KHDRBS2: variants seen among roughly 807,000 people sequenced by gnomAD.
KHDRBS2 encodes the protein KH RNA binding domain containing, signal transduction associated 2.
Under a neutral mutation model 44.3 loss-of-function variants are expected in KHDRBS2, and 26 were observed. The observed-to-expected ratio is 0.59, with a 90% CI of 0.43 to 0.81. The LOEUF (loss-of-function observed/expected upper bound fraction) is 0.81, where lower values mean the gene tolerates loss of function less well. KHDRBS2 is among the 40% of genes least tolerant of loss of function. The pLI, the probability that KHDRBS2 is intolerant of heterozygous loss-of-function variation, is 0.00. For synonymous variants in KHDRBS2, 194 were observed against 151.1 expected, an observed-to-expected ratio of 1.28 and a Z score of -2.08; for missense variants, 476 against 433.1, an observed-to-expected ratio of 1.10 and a Z score of -0.88.
At chr6:62,135,617 G>C (rs1318863253) in intron 2 of KHDRBS2, among the ~76,000 whole-genome samples, 2 of 151,958 alleles carry the variant, frequency 1.3e-5, no homozygotes, top group Non-Finnish European at 2.9e-5. Context: ...CTAAGATATG[G>C]AAACAACCTC....
chr6:61,721,351 T>C (rs1582390624), intron 7 of KHDRBS2, among the ~76,000 whole-genome samples: 1 of 152,050 alleles, frequency 6.6e-6, no homozygotes, highest in East Asian at 1.9e-4. Flanking sequence ...TGGCATTGAA[T>C]CTGTAAATTA....
chr6:62,018,098 C>T (rs1373964737), intron 3 of KHDRBS2, among the ~76,000 whole-genome samples: 1 of 150,930 alleles, frequency 6.6e-6, no homozygotes, highest in Non-Finnish European at 1.5e-5. Context: ...ACAATAATAG[C>T]TAACACTTAA....
chr6:61,682,053 T>C (rs980745285), intron 8 of KHDRBS2, among the ~76,000 whole-genome samples: 12 of 151,830 alleles, frequency 7.9e-5, no homozygotes, highest in African/African-American at 2.9e-4. Context: ...TGATAATTGA[T>C]ATATAAAAAA....
In KHDRBS2 at chr6:62,098,259, T is replaced by TG. The variant is rs555103795; in HGVS notation, c.220-50266_220-50265insC. 2.0e-4 allele frequency among the ~76,000 whole-genome samples: 30 copies of TG among 151,750 alleles called. No individual in the cohort carries two copies. In the South Asian group the frequency reaches 3.1e-3, roughly 16 times the overall value. ...AGCTTCAAACGTTTTTTTTTTTTTT[T>TG]TTGTTACAAGTTAGAACCTCTTTCT... On this transcript the variant is annotated intron_variant, in intron 2 of 8. Transcript: ENST00000281156.
chr6:61,616,884 A>G, the KHDRBS2 span, among the ~76,000 whole-genome samples: 1 of 152,174 alleles, frequency 6.6e-6, no homozygotes, highest in Non-Finnish European at 1.5e-5. Context: ...GAAAATCCTC[A>G]TTTGGAATAT....
intron 3 of KHDRBS2, among the ~76,000 whole-genome samples, chr6:62,045,034 G>T (rs1028969812): frequency 4.6e-5 from 7 of 151,912 alleles, no homozygotes; most frequent in African/African-American, 1.4e-4. Context: ...CTGGAAGCTG[G>T]ACATAAATTT....
downstream of KHDRBS2, among the ~76,000 whole-genome samples, chr6:61,677,744 A>G (rs1219514839): frequency 6.6e-6 from 1 of 151,820 alleles, no homozygotes; most frequent in Non-Finnish European, 1.5e-5. Flanking sequence ...TTCTCTGTGT[A>G]CTTTTGTAAG....
the KHDRBS2 span, among the ~76,000 whole-genome samples, chr6:61,655,243 C>T: frequency 2.0e-5 from 3 of 151,598 alleles, no homozygotes; most frequent in Non-Finnish European, 4.4e-5. Context: ...CACACACACA[C>T]ACACACACAC....
intron 2 of KHDRBS2, among the ~76,000 whole-genome samples, chr6:62,159,360 T>C (rs1278180317): frequency 2.6e-5 from 4 of 152,274 alleles, no homozygotes; most frequent in Admixed American, 2.6e-4. Context: ...TAGAGTAGGA[T>C]TGAGGCAACT....
intron 3 of KHDRBS2, among the ~76,000 whole-genome samples, chr6:62,018,297 A>ATG (rs1295019487): frequency 2.2e-5 from 3 of 138,490 alleles, no homozygotes; most frequent in African/African-American, 8.6e-5. Context: ...CTATATATAT[A>ATG]TATGTGTGTG....
the KHDRBS2 span, among the ~76,000 whole-genome samples, chr6:61,586,274 C>A: frequency 6.6e-6 from 1 of 152,270 alleles, no homozygotes; most frequent in East Asian, 1.9e-4. Context: ...GCATGTGTCT[C>A]CCGATATGTG....
intron 1 of KHDRBS2, among the ~76,000 whole-genome samples, chr6:62,183,808 C>T (rs762534728): frequency 1.3e-4 from 20 of 151,610 alleles, no homozygotes; most frequent in Non-Finnish European, 2.5e-4. Context: ...TGAATTTTTG[C>T]TCATCTATGA....
intron 4 of KHDRBS2, among the ~76,000 whole-genome samples, chr6:61,951,281 A>C (rs1764682553): frequency 6.6e-6 from 1 of 151,996 alleles, no homozygotes; most frequent in Admixed American, 6.6e-5. Flanking sequence ...CATGTGCAAA[A>C]AGGAAGTAAA....
At chr6:61,744,323 T>C (rs1281520221) in intron 6 of KHDRBS2, among the ~76,000 whole-genome samples, 2 of 151,954 alleles carry the variant, frequency 1.3e-5, no homozygotes, top group East Asian at 3.9e-4. Context: ...GTACACTAAG[T>C]GGGTTATATT....
At chr6:61,632,769 C>T in the KHDRBS2 span, among the ~76,000 whole-genome samples, 1 of 152,008 alleles carries the variant, frequency 6.6e-6, no homozygotes, top group African/African-American at 2.4e-5. Flanking sequence ...TCAAATTCAT[C>T]GCTGCCACAC....
At chr6:61,737,504 TAAC>T (rs1276837775) in intron 6 of KHDRBS2, among the ~76,000 whole-genome samples, 1 of 152,106 alleles carries the variant, frequency 6.6e-6, no homozygotes, top group Non-Finnish European at 1.5e-5. Context: ...ATGAAAAGCA[TAAC>T]AACGTTTAAG....
intron 4 of KHDRBS2, among the ~76,000 whole-genome samples, chr6:61,950,967 G>C (rs1340978577): frequency 3.3e-5 from 5 of 152,054 alleles, no homozygotes; most frequent in African/African-American, 7.2e-5. Context: ...CATAAATGCT[G>C]AGAGCTAAGC....
At chr6:61,703,099 G>T (rs1454378599) in intron 7 of KHDRBS2, among the ~76,000 whole-genome samples, 1 of 151,620 alleles carries the variant, frequency 6.6e-6, no homozygotes, top group Non-Finnish European at 1.5e-5. Context: ...ATATAAAATA[G>T]AATAATAGTG....
chr6:61,848,871 T>G (rs1449908632), intron 6 of KHDRBS2, among the ~76,000 whole-genome samples: 1 of 151,876 alleles, frequency 6.6e-6, no homozygotes, highest in Non-Finnish European at 1.5e-5. Context: ...CAGACAATTT[T>G]GAATAGTTAA....
Sources: gnomAD v4.1 joint callset for allele counts (sites outside exome capture counted in the v4.1 genomes callset) on GRCh38, gnomAD v4.1.1 for gene constraint, MANE v1.5 for transcripts, NCBI Gene and HGNC (gene_info 2026-07-23, HGNC 2026-07-21) for gene names.